Variants in PCDHAC2 observed in about 807,000 individuals in gnomAD.
PCDHAC2 encodes protocadherin alpha subfamily C, 2.
A neutral mutation model predicts 63.3 loss-of-function variants in PCDHAC2; 24 were observed. The observed-to-expected ratio is 0.38, with a 90% CI of 0.27 to 0.53. The LOEUF (loss-of-function observed/expected upper bound fraction) is 0.53. Among genes scored for constraint, PCDHAC2 ranks in the 20% least tolerant of loss-of-function variants. The pLI, the probability that PCDHAC2 is intolerant of heterozygous loss-of-function variation, is 0.81. For synonymous variants in PCDHAC2, 569 were observed against 529.4 expected (o/e 1.07, Z -1.03); for missense variants, 1,181 against 1,275.2 (o/e 0.93, Z 1.12).
chr5:140,994,483 G>A (rs1356969213), intron 3 of PCDHAC2, among the ~76,000 whole-genome samples: 1 of 152,062 alleles, frequency 6.6e-6, no homozygotes, highest in East Asian at 1.9e-4. Context: ...CGGGTGGATT[G>A]CCTGAACCCA....
chr5:140,983,363 C>A (rs574253600), intron 3 of PCDHAC2, among the ~76,000 whole-genome samples: 33 of 152,290 alleles, frequency 2.2e-4, no homozygotes, highest in African/African-American at 7.9e-4. Context: ...AGAAATATGG[C>A]TTTGGAGGCC....
intron 3 of PCDHAC2, among the ~76,000 whole-genome samples, chr5:140,995,012 AGG>A (rs1360435760): frequency 6.6e-6 from 1 of 152,218 alleles, no homozygotes; most frequent in Non-Finnish European, 1.5e-5. Context: ...GTTTATATTT[AGG>A]AAAGAAGATT....
chr5:140,985,268 A>G (rs1399255449), intron 3 of PCDHAC2, among the ~76,000 whole-genome samples: 6 of 152,098 alleles, frequency 3.9e-5, no homozygotes, highest in African/African-American at 1.2e-4. Context: ...TTTCTGGACT[A>G]CTTTTCTGCA....
At chr5:140,980,607 C>T (rs1471918192) in intron 2 of PCDHAC2, among the ~76,000 whole-genome samples, 5 of 151,334 alleles carry the variant, frequency 3.3e-5, no homozygotes, top group Non-Finnish European at 7.4e-5. Context: ...TCCAGCCTGG[C>T]GACAGTGCGA....
Position 140,969,257 on chromosome 5 carries a change from AATC to A in PCDHAC2, c.2492_2494del (p.Asn831_Leu832delinsIle), listed in dbSNP as rs782398697. On this transcript the variant is annotated inframe_deletion, in exon 1 of 4. Coordinates refer to ENST00000289269, the MANE Select transcript of PCDHAC2 (RefSeq NM_018899.6). ...CCAAGCAGCAGTGACTGACAGCAGG[AATC>A]TCACAGGCCAAAGTGGTCAGAATGC... 2 of 1,614,102 alleles carry A rather than the reference AATC, an allele frequency of 1.2e-6. No homozygotes were observed. Among genetic ancestry groups the A allele is most frequent in the African/African-American group, 2.7e-5 (2 of 74,936 alleles).
chr5:140,967,964 G>T lies in PCDHAC2; in HGVS notation c.1198G>T (p.Val400Leu). The change falls in exon 1 of 4, where the codon GTG becomes TTG. Residue 400 changes from valine to leucine, a missense_variant. Coordinates refer to ENST00000289269, the MANE Select transcript of PCDHAC2 (RefSeq NM_018899.6). ...CCAAGACTCAGGCCCCAACCGGAAA[G>T]TGAGCCTGGGTCTGGAGGCCACACT... Reference protein sequence around the residue: ...NDQDSGPNRKVSLGLEATLPF... With the variant: ...NDQDSGPNRKLSLGLEATLPF... 1 of 1,614,210 alleles carries T rather than the reference G, an allele frequency of 6.2e-7. No homozygotes were observed.
rs782079089 is a variant in PCDHAC2, at chr5:141,009,663, C to T, written c.2750C>T (p.Ala917Val). 4 of 1,614,034 alleles carry T rather than the reference C, an allele frequency of 2.5e-6. No individual in the cohort carries two copies. Among genetic ancestry groups the T allele is most frequent in the East Asian group, 2.2e-5 (1 of 44,876 alleles). ...GGAGAAGTGTCCCCTCCAGTCGGTG[C>T]GGGTGTCAACAGCAACAGCTGGACC... Reference protein sequence around the residue: ...EAGEVSPPVGAGVNSNSWTFK... With the variant: ...EAGEVSPPVGVGVNSNSWTFK... Residue 917 changes from alanine to valine, a missense_variant, in exon 4 of 4, where the codon GCG (alanine) becomes GTG (valine). Transcript: ENST00000289269.
intron 3 of PCDHAC2, among the ~76,000 whole-genome samples, chr5:141,003,433 T>G (rs1479468480): frequency 2.0e-5 from 3 of 152,112 alleles, no homozygotes; most frequent in African/African-American, 7.2e-5. Flanking sequence ...TGCCTCAGCC[T>G]CCCAAGTAGA....
At chr5:141,008,684 G>C (rs1426948038) in intron 3 of PCDHAC2, among the ~76,000 whole-genome samples, 1 of 152,118 alleles carries the variant, frequency 6.6e-6, no homozygotes, top group Admixed American at 6.5e-5. Context: ...TTTAGTTATT[G>C]CATGTATTAA....
intron 3 of PCDHAC2, among the ~76,000 whole-genome samples, chr5:140,994,308 C>T (rs1402344988): frequency 6.6e-6 from 1 of 152,086 alleles, no homozygotes; most frequent in African/African-American, 2.4e-5. Flanking sequence ...TTTCACAGGG[C>T]CCAAACACTC....
rs371201664 is a variant in PCDHAC2 at position 140,967,632 on chromosome 5, A to G, written c.866A>G (p.Asn289Ser). The G allele has an allele frequency of 1.9e-5, 31 of 1,614,028 alleles. No homozygotes were observed. The highest frequency in any genetic ancestry group is 1.7e-4 in the Admixed American group (10 of 60,010). Residue 289 changes from asparagine (N) to serine (S), a missense_variant, in exon 1 of 4, where the codon AAT becomes AGT. Asn to Ser is a conservative substitution (Grantham distance 46). This residue lies in a region of PCDHAC2 where 968 missense variants were observed against 1,073.5 expected (regional missense o/e 0.90). Coordinates refer to ENST00000289269, the MANE Select transcript of PCDHAC2 (RefSeq NM_018899.6). Reference protein sequence around the residue: ...LNASDPDEGSNGELRYSLSSY... With the variant: ...LNASDPDEGSSGELRYSLSSY... ...GCCTCAGACCCGGATGAGGGCTCCA[A>G]TGGTGAGCTCAGGTACTCCTTGAGC...
rs1310704954 is a variant in PCDHAC2, at chr5:141,010,062, A to C, written c.*125A>C. 1.2e-6 allele frequency: 2 copies of C among 1,602,540 alleles called. No homozygotes were observed. The highest frequency in any genetic ancestry group is 1.7e-6 in the Non-Finnish European group (2 of 1,174,354). Reference sequence around the variant, plus strand: ...CCTCTTAGAGACCTCAGAAATCTGCAGAAAGTTCCCTGTGTCTGTCTAGAA... The same window carrying C: ...CCTCTTAGAGACCTCAGAAATCTGCCGAAAGTTCCCTGTGTCTGTCTAGAA... On this transcript the variant is annotated 3_prime_UTR_variant, in exon 4 of 4. Transcript: ENST00000289269.
intron 1 of PCDHAC2, among the ~76,000 whole-genome samples, chr5:140,971,359 G>T (rs537725732): frequency 6.6e-5 from 10 of 152,312 alleles, no homozygotes; most frequent in Admixed American, 3.3e-4. Flanking sequence ...GGGAGATTTT[G>T]CCAGGAGAGT....
At chr5:140,990,988 C>A (rs1332573282) in intron 3 of PCDHAC2, among the ~76,000 whole-genome samples, 5 of 152,184 alleles carry the variant, frequency 3.3e-5, no homozygotes, top group Admixed American at 6.5e-5. Flanking sequence ...AAGACAATAG[C>A]TACCATTTAT....
intron 3 of PCDHAC2, among the ~76,000 whole-genome samples, chr5:140,995,470 T>C (rs543327839): frequency 5.6e-4 from 86 of 152,360 alleles, no homozygotes; most frequent in Middle Eastern, 3.4e-3. Flanking sequence ...TTGAAATTTT[T>C]CATTTAATAT....
At chr5:140,989,565 G>A (rs782538666) in intron 3 of PCDHAC2, among the ~76,000 whole-genome samples, 12 of 152,134 alleles carry the variant, frequency 7.9e-5, no homozygotes, top group South Asian at 4.1e-4. Context: ...TTGTGGCTCC[G>A]GCAAGCCCTG....
chr5:140,969,241 A>G lies in PCDHAC2; in HGVS notation c.2475A>G (p.Ala825=), dbSNP rs1554231627. ...TGPGPSGAQA[A]VTDSRNLTGQ... ...CAGGGCCTTCGGGAGCCCAAGCAGC[A>G]GTGACTGACAGCAGGAATCTCACAG... The change falls in exon 1 of 4, where the codon GCA becomes GCG. Residue 825 remains alanine, a synonymous_variant. Transcript: ENST00000289269. 1.2e-6 allele frequency: 2 copies of G among 1,614,230 alleles called. No individual in the cohort carries two copies. The highest frequency in any genetic ancestry group is 3.3e-5 in the Admixed American group (2 of 60,032).
At chr5:140,989,319 A>G (rs1291622013) in intron 3 of PCDHAC2, among the ~76,000 whole-genome samples, 1 of 152,138 alleles carries the variant, frequency 6.6e-6, no homozygotes, top group Admixed American at 6.5e-5. Context: ...GGGTCTCACC[A>G]ACTTTGCCAC....
chr5:140,978,652 C>T (rs555324579), intron 1 of PCDHAC2, among the ~76,000 whole-genome samples: 2 of 152,320 alleles, frequency 1.3e-5, no homozygotes, highest in East Asian at 1.9e-4. Flanking sequence ...CTGTTCTTCC[C>T]GTAGTGTTTT....
Sources: gnomAD v4.1 joint callset for allele counts (sites outside exome capture counted in the v4.1 genomes callset) on GRCh38, gnomAD v4.1.1 for gene constraint, gnomAD v4.1.1 regional missense constraint, MANE v1.5 for transcripts, NCBI Gene and HGNC (gene_info 2026-07-23, HGNC 2026-07-21) for gene names.